Variants in NRXN1 observed in about 807,000 individuals in gnomAD.
NRXN1 encodes neurexin 1, also known as neurexin-1.
Under a neutral mutation model 150.9 loss-of-function variants are expected in NRXN1, and 39 were observed. That is an observed-to-expected ratio of 0.26 (90% CI 0.20 to 0.34). NRXN1 has a LOEUF of 0.34. NRXN1 is among the 10% of genes least tolerant of loss of function. The pLI is 1.00. For missense variants in NRXN1, 1,815 were observed against 1,949.9 expected (o/e 0.93, Z 1.30); for synonymous variants, 924 against 757.0 (o/e 1.22, Z -3.62).
chr2:50,748,076 C>T (rs1442603537), intron 5 of NRXN1, among the ~76,000 whole-genome samples: 1 of 152,168 alleles, frequency 6.6e-6, no homozygotes, highest in Non-Finnish European at 1.5e-5. Context: ...AAAACAACAT[C>T]ATCAGCTGGG....
intron 17 of NRXN1, among the ~76,000 whole-genome samples, chr2:50,268,858 T>C (rs908621126): frequency 1.3e-5 from 2 of 152,202 alleles, no homozygotes; most frequent in East Asian, 1.9e-4. Context: ...GCATAACCAA[T>C]GTCTTCTTTG....
At chr2:50,292,423 T>C (rs1456552889) in intron 17 of NRXN1, among the ~76,000 whole-genome samples, 2 of 152,166 alleles carry the variant, frequency 1.3e-5, no homozygotes, top group African/African-American at 4.8e-5. Context: ...GTACTATCAG[T>C]CATTTTCATC....
At chr2:50,744,622 G>A (rs576369399) in intron 5 of NRXN1, among the ~76,000 whole-genome samples, 14 of 152,090 alleles carry the variant, frequency 9.2e-5, no homozygotes, top group Admixed American at 7.9e-4. Context: ...CCATTTTATA[G>A]ATGATCAAAT....
intron 21 of NRXN1, among the ~76,000 whole-genome samples, chr2:49,996,379 T>G (rs950948263): frequency 6.6e-6 from 1 of 152,204 alleles, no homozygotes; most frequent in Non-Finnish European, 1.5e-5. Flanking sequence ...TCATTCAGTT[T>G]ACCTGAATCA....
At chr2:50,354,957 A>C (rs1480484503) in intron 17 of NRXN1, among the ~76,000 whole-genome samples, 4 of 152,026 alleles carry the variant, frequency 2.6e-5, no homozygotes, top group Non-Finnish European at 4.4e-5. Flanking sequence ...GACAACTCTA[A>C]GGCAATTTAG....
At chr2:50,790,622 T>C (rs945604140) in intron 5 of NRXN1, among the ~76,000 whole-genome samples, 2 of 152,166 alleles carry the variant, frequency 1.3e-5, no homozygotes, top group Non-Finnish European at 2.9e-5. Flanking sequence ...TGCTTGTCCT[T>C]TGGAAGCAAA....
intron 19 of NRXN1, among the ~76,000 whole-genome samples, chr2:50,086,234 A>G (rs1471220158): frequency 6.6e-6 from 1 of 152,234 alleles, no homozygotes; most frequent in Admixed American, 6.5e-5. Flanking sequence ...TCTAAATAAT[A>G]GAGTGACTTA....
Position 50,496,088 on chromosome 2 carries a change from G to T in NRXN1, c.2887C>A (p.His963Asn). 6.3e-7 allele frequency: 1 copy of T among 1,597,424 alleles called. No homozygotes were observed. The highest frequency in any genetic ancestry group is 1.8e-5 in the Admixed American group (1 of 57,070). The change falls in exon 15 of 23, where the codon CAT becomes AAT. Residue 963 changes from histidine to asparagine, a missense_variant. This residue lies in a region of NRXN1 where 339 missense variants were observed against 440.3 expected (regional missense o/e 0.77). Transcript: ENST00000401669. ...CCATTTCCCAAATCAAACACGTAAT[G>T]TAAGTACCTGGGAAAAAAATGAAAG... ...IVVELVKGYL[H>N]YVFDLGNGAN...
chr2:50,324,853 G>T (rs1233106211), intron 17 of NRXN1, among the ~76,000 whole-genome samples: 1 of 152,176 alleles, frequency 6.6e-6, no homozygotes, highest in Non-Finnish European at 1.5e-5. Flanking sequence ...TCCTTAATTG[G>T]AACTCCTTGA....
chr2:50,896,503 G>A (rs1173846631), intron 5 of NRXN1, among the ~76,000 whole-genome samples: 3 of 151,678 alleles, frequency 2.0e-5, no homozygotes, highest in African/African-American at 7.3e-5. Flanking sequence ...AAGTAAAAGG[G>A]ATTGGGAGGG....
intron 15 of NRXN1, among the ~76,000 whole-genome samples, chr2:50,481,626 T>C (rs1267315009): frequency 1.3e-5 from 2 of 152,108 alleles, no homozygotes; most frequent in African/African-American, 4.8e-5. Flanking sequence ...GTGGGACAAG[T>C]TGGGGAGGGG....
At chr2:50,582,867 G>C (rs1029518161) in intron 8 of NRXN1, among the ~76,000 whole-genome samples, 1 of 151,986 alleles carries the variant, frequency 6.6e-6, no homozygotes, top group African/African-American at 2.4e-5. Context: ...CCAGTCCCAC[G>C]TACCTTACTT....
Position 50,899,508 on chromosome 2 carries a change from C to G in NRXN1, c.832+22361G>C, listed in dbSNP as rs564558311. Among the ~76,000 whole-genome samples, 14 of 152,182 alleles carry G rather than the reference C, an allele frequency of 9.2e-5. No individual in the cohort carries two copies. In the East Asian group the frequency reaches 9.7e-4, roughly 11 times the overall value. On this transcript the variant is annotated intron_variant, in intron 5 of 22. Transcript: ENST00000401669. The stretch of plus-strand genomic sequence containing the variant: ...ATTAGTAGATGTGGGCCCTGCTTCC[C>G]CCAGGTTTATATTACTGTATAAGGG...
intron 5 of NRXN1, among the ~76,000 whole-genome samples, chr2:50,804,416 G>C (rs1266551862): frequency 1.3e-5 from 2 of 152,152 alleles, no homozygotes; most frequent in Non-Finnish European, 2.9e-5. Flanking sequence ...TATTATTTCA[G>C]TTTTATAGGT....
intron 2 of NRXN1, among the ~76,000 whole-genome samples, chr2:50,961,444 T>C (rs1644238842): frequency 1.3e-5 from 2 of 151,892 alleles, no homozygotes; most frequent in East Asian, 1.9e-4. Context: ...ATAATTGTAC[T>C]ATACTGACCA....
intron 17 of NRXN1, among the ~76,000 whole-genome samples, chr2:50,421,361 A>G (rs2083985584): frequency 6.6e-6 from 1 of 152,102 alleles, no homozygotes; most frequent in African/African-American, 2.4e-5. Context: ...CGACATTAAA[A>G]TATAAATTCA....
chr2:50,894,770 A>C (rs1362060024), intron 5 of NRXN1, among the ~76,000 whole-genome samples: 1 of 152,180 alleles, frequency 6.6e-6, no homozygotes, highest in Non-Finnish European at 1.5e-5. Flanking sequence ...GTGGCAGAGG[A>C]TATCATTTGA....
intron 17 of NRXN1, among the ~76,000 whole-genome samples, chr2:50,306,270 T>C (rs1423004064): frequency 6.6e-6 from 1 of 152,200 alleles, no homozygotes; most frequent in Non-Finnish European, 1.5e-5. Flanking sequence ...TAAGTCACTA[T>C]GGTATTGGTC....
intron 2 of NRXN1, among the ~76,000 whole-genome samples, chr2:50,997,627 C>G (rs1290022922): frequency 1.4e-5 from 2 of 140,600 alleles, no homozygotes; most frequent in African/African-American, 6.0e-5. Context: ...CCTGCCTCAG[C>G]TTCCTGAGTA....
Sources: gnomAD v4.1 joint callset for allele counts (sites outside exome capture counted in the v4.1 genomes callset) on GRCh38, gnomAD v4.1.1 for gene constraint, gnomAD v4.1.1 regional missense constraint, MANE v1.5 for transcripts, NCBI Gene and HGNC (gene_info 2026-07-23, HGNC 2026-07-21) for gene names.